Variants in SIRPD observed in about 807,000 individuals in gnomAD.
SIRPD encodes signal regulatory protein delta.
A neutral mutation model predicts 18.0 loss-of-function variants in SIRPD; 21 were observed. The ratio of observed to expected loss-of-function variants is 1.17; its 90% CI spans 0.83 to 1.68. SIRPD has a LOEUF of 1.68. SIRPD is among the 40% of genes most tolerant of loss of function. The pLI is 0.00. For synonymous variants in SIRPD, 106 were observed against 92.9 expected (o/e 1.14, Z -0.81); for missense variants, 295 against 238.4 (o/e 1.24, Z -1.56).
chr20:1,546,232 C>A (rs897546213), intron 2 of SIRPD, among the ~76,000 whole-genome samples: 6 of 152,220 alleles, frequency 3.9e-5, no homozygotes, highest in African/African-American at 1.4e-4. Flanking sequence ...TGCCCCTTCC[C>A]CCCGGTGCTC....
chr20:1,548,351 T>A (rs1334085618), intron 2 of SIRPD, among the ~76,000 whole-genome samples: 1 of 151,984 alleles, frequency 6.6e-6, no homozygotes, highest in East Asian at 1.9e-4. Context: ...TTTTTTTTTA[T>A]CATCTTGAGA....
intron 1 of SIRPD, 124 bp downstream of exon 1, chr20:1,557,457 C>G: frequency 1.3e-6 from 1 of 798,966 alleles, no homozygotes; most frequent in Non-Finnish European, 1.8e-6. Context: ...CTGAGTTCTG[C>G]CTGTTCTGGG....
chr20:1,548,859 G>T (rs60811618), intron 2 of SIRPD, among the ~76,000 whole-genome samples: 3 of 151,852 alleles, frequency 2.0e-5, no homozygotes, highest in South Asian at 4.2e-4. Flanking sequence ...TTCAGTCTCC[G>T]GTCCAGCTGA....
chr20:1,539,056 A>G (rs2090960024), intron 2 of SIRPD, among the ~76,000 whole-genome samples: 1 of 152,194 alleles, frequency 6.6e-6, no homozygotes, highest in African/African-American at 2.4e-5. Context: ...TGTTTTAGTA[A>G]ATTGTTGTAA....
At chr20:1,540,038 TAA>T (rs1016338925) in intron 2 of SIRPD, 3 of 239,188 alleles carry the variant, frequency 1.3e-5, no homozygotes, top group African/African-American at 6.9e-5. Context: ...TTGAAATCAC[TAA>T]GTTTTGGGTA....
chr20:1,554,078 T>G (rs1328718096), intron 1 of SIRPD: 3 of 152,740 alleles, frequency 2.0e-5, no homozygotes, highest in East Asian at 3.9e-4. Flanking sequence ...ATAGTCAGTT[T>G]GATCAACCAT....
intron 3 of SIRPD, among the ~76,000 whole-genome samples, chr20:1,535,765 A>G (rs780361371): frequency 1.3e-5 from 2 of 152,222 alleles, no homozygotes; most frequent in Non-Finnish European, 2.9e-5. Context: ...CTTTGCGAAA[A>G]TAACCTCCCT....
chr20:1,547,718 G>A (rs543266743), intron 2 of SIRPD, among the ~76,000 whole-genome samples: 1 of 152,320 alleles, frequency 6.6e-6, no homozygotes, highest in Non-Finnish European at 1.5e-5. Context: ...TGTTGGATCT[G>A]TAGACCAGTT....
At chr20:1,550,211 A>C (rs1006109937) in intron 2 of SIRPD, among the ~76,000 whole-genome samples, 1 of 152,208 alleles carries the variant, frequency 6.6e-6, no homozygotes, top group African/African-American at 2.4e-5. Context: ...GTGGATGAAC[A>C]TATTTTGTTT....
At chr20:1,539,319 A>G (rs749150694) in intron 2 of SIRPD, among the ~76,000 whole-genome samples, 7 of 152,186 alleles carry the variant, frequency 4.6e-5, no homozygotes, top group East Asian at 1.9e-4. Context: ...TTATAGTTTA[A>G]TTCCACAATG....
intron 1 of SIRPD, 139 bp from the exon 2 acceptor site, chr20:1,552,177 C>T: frequency 4.4e-6 from 3 of 684,064 alleles, no homozygotes; most frequent in Middle Eastern, 3.8e-4. Context: ...GAGGCCTTTG[C>T]ACATGGAGGC....
chr20:1,551,186 A>G (rs1429320819), intron 2 of SIRPD, among the ~76,000 whole-genome samples: 1 of 152,246 alleles, frequency 6.6e-6, no homozygotes, highest in Non-Finnish European at 1.5e-5. Context: ...GTCAATCCAC[A>G]CTTGTTACAT....
chr20:1,553,233 A>G (rs1165199441), intron 1 of SIRPD, among the ~76,000 whole-genome samples: 2 of 152,172 alleles, frequency 1.3e-5, no homozygotes, highest in Non-Finnish European at 2.9e-5. Context: ...GTGCCAGGCC[A>G]TGGTAGGAGA....
Position 1,541,779 on chromosome 20 carries a change from A to G in SIRPD, c.422-4469T>C, listed in dbSNP as rs113729530. On this transcript the variant is annotated intron_variant, in intron 2 of 3. Transcript: ENST00000381623. Reference sequence around the variant, plus strand: ...GGGTTGTTATGGTTTTAGGTCTTACATTTACATCTTTAATTCATATTGAGT... The same window carrying G: ...GGGTTGTTATGGTTTTAGGTCTTACGTTTACATCTTTAATTCATATTGAGT... Among the ~76,000 whole-genome samples the G allele has an allele frequency of 9.4e-3, 1,438 of 152,272 alleles. 24 individuals carry two copies. Among genetic ancestry groups the G allele is most frequent in the African/African-American group, 0.034 (1,404 of 41,546 alleles).
intron 1 of SIRPD, among the ~76,000 whole-genome samples, chr20:1,556,341 C>T (rs2091041323): frequency 6.6e-6 from 1 of 152,144 alleles, no homozygotes; most frequent in African/African-American, 2.4e-5. Context: ...TTTTAGTCAT[C>T]CTTAACTCTC....
chr20:1,541,919 T>G (rs556500808), intron 2 of SIRPD, among the ~76,000 whole-genome samples: 1 of 152,320 alleles, frequency 6.6e-6, no homozygotes, highest in Non-Finnish European at 1.5e-5. Context: ...TGCTTATTTT[T>G]GTCAGGTTTC....
Position 1,557,295 on chromosome 20 carries a change from C to CGT in SIRPD, c.73+285_73+286insAC, listed in dbSNP as rs200911680. Among the ~76,000 whole-genome samples the CGT allele has an allele frequency of 9.0e-3, 1,371 of 151,994 alleles. 22 individuals are homozygous for CGT. The highest frequency in any genetic ancestry group is 0.032 in the African/African-American group (1,338 of 41,450). On this transcript the variant is annotated intron_variant, in intron 1 of 3. Transcript: ENST00000381623. ...TAAAAATAAAATAAAATAAATTACA[C>CGT]CCTCCAGAGGCTGGAGGGTGAGAGC... is the stretch of plus-strand genomic sequence containing the variant.
chr20:1,552,139 G>A, intron 1 of SIRPD, 101 bp from the exon 2 acceptor site: 1 of 957,498 alleles, frequency 1.0e-6, no homozygotes, highest in Non-Finnish European at 1.6e-6. Flanking sequence ...TTAATGACAT[G>A]CGCAAATGCC....
chr20:1,534,618 A>C (rs1431667004), intron 3 of SIRPD, among the ~76,000 whole-genome samples, 177 bp from the exon 4 acceptor site: 1 of 152,184 alleles, frequency 6.6e-6, no homozygotes, highest in Admixed American at 6.5e-5. Flanking sequence ...ATAACAATGG[A>C]CACGATCTCT....
Sources: allele counts gnomAD v4.1 joint callset (sites outside exome capture counted in the v4.1 genomes callset), GRCh38; gene constraint gnomAD v4.1.1; transcripts MANE v1.5; gene names NCBI Gene and HGNC (gene_info 2026-07-23, HGNC 2026-07-21).